The following HIPK2 variants were observed in gnomAD, a reference collection of about 807,000 sequenced individuals.
HIPK2 encodes the protein homeodomain interacting protein kinase 2, also known as homeodomain-interacting protein kinase 2.
Under a neutral mutation model 113.7 loss-of-function variants are expected in HIPK2, and 27 were observed. That is an observed-to-expected ratio of 0.24 (90% CI 0.17 to 0.33). The LOEUF is 0.33. Among genes scored for constraint, HIPK2 ranks in the 10% least tolerant of loss-of-function variants. The pLI, the probability that HIPK2 is intolerant of heterozygous loss-of-function variation, is 1.00. For missense variants in HIPK2, 1,257 were observed against 1,588.0 expected, an observed-to-expected ratio of 0.79 and a Z score of 3.54; for synonymous variants, 631 against 642.2, an observed-to-expected ratio of 0.98 and a Z score of 0.26.
At chr7:139,582,127 C>T (rs776291354) in intron 13 of HIPK2, among the ~76,000 whole-genome samples, 3 of 152,116 alleles carry the variant, frequency 2.0e-5, no homozygotes, top group South Asian at 2.1e-4. Flanking sequence ...AACATTTGCC[C>T]GGGTGGAAAA....
In HIPK2 at chr7:139,575,255, G is replaced by A; in HGVS notation, c.2999C>T (p.Ser1000Phe). The A allele has an allele frequency of 1.3e-6, 2 of 1,576,862 alleles. No individual in the cohort carries two copies. The highest frequency in any genetic ancestry group is 1.7e-6 in the Non-Finnish European group (2 of 1,161,226). Reference sequence around the variant, plus strand: ...GGAGGTCACGTTGCTGGAGGACTTGGACTTGTAGGAGGACGAGTGGTGACT... The same window carrying A: ...GGAGGTCACGTTGCTGGAGGACTTGAACTTGTAGGAGGACGAGTGGTGACT... ...NTSHHSSSYK[S>F]KSSSNVTSTS... Residue 1000 changes from serine to phenylalanine, a missense_variant, in exon 14 of 15, where the codon TCC (serine) becomes TTC (phenylalanine). By Grantham distance (155) the Ser-to-Phe change is radical. Coordinates refer to ENST00000406875, the MANE Select transcript of HIPK2 (RefSeq NM_022740.5).
At chr7:139,699,104 G>A (rs1794638304) in intron 2 of HIPK2, among the ~76,000 whole-genome samples, 5 of 152,020 alleles carry the variant, frequency 3.3e-5, no homozygotes, top group Non-Finnish European at 1.5e-5. Context: ...CGGCCCAGCC[G>A]GCTGCCGACG....
chr7:139,614,277 C>T lies in HIPK2; in HGVS notation c.1990+9G>A, dbSNP rs769644106. 2.5e-5 allele frequency: 37 copies of T among 1,465,266 alleles called. No individual in the cohort carries two copies. The highest frequency in any genetic ancestry group is 3.3e-5 in the Non-Finnish European group (36 of 1,093,922). The allele number at this position is 1,465,266 out of a possible 1,614,324, so 90.8% of individuals were successfully genotyped here. A position where few individuals can be genotyped will look rare whatever the true frequency, so the allele number is the denominator to read the frequency against. ...AAGCAGGTGAGAGGCTGTGGCTGCT[C>T]AATCTTACCTTGGAAGCCGGGGGGA... On this transcript the variant is annotated intron_variant, in intron 8 of 14. Transcript: ENST00000406875.
intron 13 of HIPK2, among the ~76,000 whole-genome samples, chr7:139,581,619 T>C (rs544212380): frequency 7.9e-5 from 12 of 152,294 alleles, no homozygotes; most frequent in African/African-American, 2.9e-4. Context: ...AACTCTCCCA[T>C]GCTCTGGGTG....
intron 7 of HIPK2, 30 bp from the exon 8 acceptor site, chr7:139,614,523 TAAAC>T: frequency 2.3e-6 from 3 of 1,280,602 alleles, no homozygotes; most frequent in Non-Finnish European, 3.0e-6. Context: ...TAAACAAAAA[TAAAC>T]AAAAATAAAA....
chr7:139,649,418 G>A (rs1321739783), intron 2 of HIPK2, among the ~76,000 whole-genome samples: 1 of 152,122 alleles, frequency 6.6e-6, no homozygotes, highest in African/African-American at 2.4e-5. Context: ...TTACCAGTAG[G>A]GATTTTCCTA....
intron 9 of HIPK2, among the ~76,000 whole-genome samples, chr7:139,607,351 T>C (rs910599371): frequency 6.7e-6 from 1 of 150,170 alleles, no homozygotes; most frequent in African/African-American, 2.5e-5. Flanking sequence ...AAAGGGCAAA[T>C]AGGGTGTTCA....
intron 1 of HIPK2, among the ~76,000 whole-genome samples, chr7:139,725,184 A>C (rs1795536797): frequency 6.6e-6 from 1 of 152,254 alleles, no homozygotes; most frequent in Admixed American, 6.5e-5. Flanking sequence ...GCAAATTAAA[A>C]AGGACAGCTG....
At position 139,584,067 on chromosome 7, in the gene HIPK2, G is replaced by A; in HGVS notation, c.2718-3C>T. The A allele has an allele frequency of 6.4e-7, 1 of 1,574,046 alleles. No homozygotes were observed. Among genetic ancestry groups the A allele is most frequent in the Non-Finnish European group, 8.6e-7 (1 of 1,157,554 alleles). On this transcript the variant is annotated splice_polypyrimidine_tract_variant and splice_region_variant and intron_variant, in intron 12 of 14. Coordinates refer to ENST00000406875, the MANE Select transcript of HIPK2 (RefSeq NM_022740.5). ...TTTTTCTTTGCTTGGAGACAGTGCT[G>A]AAAATGCAAAGGGAGAAGTCAGAGG...
At chr7:139,663,241 C>T (rs774371810) in intron 2 of HIPK2, among the ~76,000 whole-genome samples, 2 of 152,350 alleles carry the variant, frequency 1.3e-5, no homozygotes, top group Admixed American at 6.5e-5. Context: ...CTTCTTTATA[C>T]GACATTCATT....
intron 12 of HIPK2, among the ~76,000 whole-genome samples, chr7:139,591,787 C>G (rs1201312847): frequency 6.6e-6 from 1 of 152,244 alleles, no homozygotes; most frequent in Admixed American, 6.5e-5. Context: ...AAAGTTCCTT[C>G]AAATGGCACT....
At chr7:139,749,057 CTG>C (rs1796237730) in intron 1 of HIPK2, among the ~76,000 whole-genome samples, 1 of 152,232 alleles carries the variant, frequency 6.6e-6, no homozygotes, top group African/African-American at 2.4e-5. Context: ...GAAGGAAAAA[CTG>C]TCACAATTGT....
intron 2 of HIPK2, among the ~76,000 whole-genome samples, chr7:139,690,535 T>C (rs938766892): frequency 3.9e-5 from 6 of 151,980 alleles, no homozygotes; most frequent in Non-Finnish European, 7.4e-5. Context: ...CGAGAGCTAG[T>C]TGTAAAAAAG....
At chr7:139,721,406 T>C (rs188187271) in intron 1 of HIPK2, among the ~76,000 whole-genome samples, 2 of 152,350 alleles carry the variant, frequency 1.3e-5, no homozygotes, top group East Asian at 1.9e-4. Context: ...ACCTTCCCTA[T>C]TAGTTTAGCT....
rs557130564 is a variant in HIPK2, at chr7:139,603,190, CT to C, written c.2255+890del. On this transcript the variant is annotated intron_variant, in intron 10 of 14. Transcript: ENST00000406875. ...ATAGCCTTGTAGGTCAGAATAAGAA[CT>C]GTGGGAGGTTCCCTGTGTGATATGG... Among the ~76,000 whole-genome samples the C allele has an allele frequency of 4.4e-3, 665 of 152,234 alleles. 5 individuals are homozygous for C. Among genetic ancestry groups the C allele is most frequent in the African/African-American group, 0.015 (641 of 41,540 alleles).
rs954574856 is a variant in HIPK2, at chr7:139,564,153, A to G, written c.*8774T>C. 4 of 395,084 alleles carry G rather than the reference A, an allele frequency of 1.0e-5. No homozygotes were observed. The highest frequency in any genetic ancestry group is 6.2e-5 in the African/African-American group (3 of 48,594). The allele number at this position is 395,084 out of a possible 1,614,324, so 24.5% of individuals were successfully genotyped here. A position where few individuals can be genotyped will look rare whatever the true frequency, so the allele number is the denominator to read the frequency against. ...CTAGACTTTGAGTCTAAGCTGGACAATGAGTAAAACGTAAACATAGCCTTT... is the reference window on the plus strand; with the variant it reads ...CTAGACTTTGAGTCTAAGCTGGACAGTGAGTAAAACGTAAACATAGCCTTT... On this transcript the variant is annotated 3_prime_UTR_variant, in exon 15 of 15. Transcript: ENST00000406875.
At chr7:139,645,500 A>C (rs1393939013) in intron 2 of HIPK2, among the ~76,000 whole-genome samples, 1 of 152,212 alleles carries the variant, frequency 6.6e-6, no homozygotes, top group East Asian at 1.9e-4. Context: ...CCCCCACTGC[A>C]CTGTGTGTTA....
intron 1 of HIPK2, among the ~76,000 whole-genome samples, chr7:139,743,438 G>A (rs188440950): frequency 2.6e-4 from 39 of 152,302 alleles, no homozygotes; most frequent in Admixed American, 1.5e-3. Flanking sequence ...TGGAAAATCC[G>A]CTGCTCATCT....
At chr7:139,695,107 G>A (rs938229075) in intron 2 of HIPK2, among the ~76,000 whole-genome samples, 2 of 152,224 alleles carry the variant, frequency 1.3e-5, no homozygotes, top group African/African-American at 4.8e-5. Flanking sequence ...ACGCCTGTCT[G>A]TAGCTCAGTG....
Sources: gnomAD v4.1 joint callset for allele counts (sites outside exome capture counted in the v4.1 genomes callset) on GRCh38, gnomAD v4.1.1 for gene constraint, MANE v1.5 for transcripts, NCBI Gene and HGNC (gene_info 2026-07-23, HGNC 2026-07-21) for gene names.